Variants in IQGAP2 observed in about 807,000 individuals in gnomAD.
IQGAP2 encodes the protein ras GTPase-activating-like protein IQGAP2.
In IQGAP2, 173 loss-of-function variants were observed where a neutral mutation model predicts 201.3. The observed-to-expected ratio is 0.86, with a 90% CI of 0.76 to 0.98. The LOEUF is 0.98. IQGAP2 is among the 50% of genes least tolerant of loss of function. IQGAP2 has a pLI of 0.00. For synonymous variants in IQGAP2, 675 were observed against 673.9 expected, an observed-to-expected ratio of 1.00 and a Z score of -0.03; for missense variants, 1,687 against 1,864.8, an observed-to-expected ratio of 0.90 and a Z score of 1.76.
chr5:76,559,391 A>G (rs1744177734), intron 2 of IQGAP2, among the ~76,000 whole-genome samples: 1 of 152,182 alleles, frequency 6.6e-6, no homozygotes, highest in South Asian at 2.1e-4. Context: ...TTCTCTAATT[A>G]CCACTGTCAG....
chr5:76,592,156 A>T (rs542256485), intron 8 of IQGAP2, among the ~76,000 whole-genome samples: 1 of 152,170 alleles, frequency 6.6e-6, no homozygotes, highest in Non-Finnish European at 1.5e-5. Flanking sequence ...ACTGATCTTT[A>T]ACTACAAATC....
In IQGAP2 at chr5:76,639,564, A is replaced by G. The variant is rs151142011; in HGVS notation, c.1924-1369A>G. Among the ~76,000 whole-genome samples, 749 of 152,364 alleles carry G rather than the reference A, an allele frequency of 4.9e-3. 4 individuals are homozygous for G. The highest frequency in any genetic ancestry group is 9.1e-3 in the Non-Finnish European group (621 of 68,032). On this transcript the variant is annotated intron_variant, in intron 16 of 35. Coordinates refer to ENST00000274364, the MANE Select transcript of IQGAP2 (RefSeq NM_006633.5). ...CCTGCTGATAATGGATCCACGCGTC[A>G]TAATATGTTTAAAGAGGAAATACTG...
chr5:76,676,077 T>TCACA (rs34099080), intron 27 of IQGAP2, among the ~76,000 whole-genome samples: 15,047 of 135,262 alleles, frequency 0.11, 950 homozygotes, highest in South Asian at 0.18. Context: ...TAAGACTCTG[T>TCACA]CACACACACA....
intron 28 of IQGAP2, among the ~76,000 whole-genome samples, chr5:76,681,598 T>C (rs1745301917): frequency 6.6e-6 from 1 of 150,712 alleles, no homozygotes; most frequent in Admixed American, 6.6e-5. Context: ...TTGCACCCCG[T>C]TGGTGGGAAT....
intron 12 of IQGAP2, among the ~76,000 whole-genome samples, chr5:76,610,356 A>G (rs561197996): frequency 2.6e-5 from 4 of 151,404 alleles, no homozygotes; most frequent in Non-Finnish European, 5.9e-5. Flanking sequence ...TAGTCACTAG[A>G]AAAATACAAA....
chr5:76,614,656 C>T (rs755067946), intron 13 of IQGAP2, among the ~76,000 whole-genome samples: 6 of 108,744 alleles, frequency 5.5e-5, no homozygotes, highest in Non-Finnish European at 1.0e-4. Context: ...TGCTGTGTTG[C>T]CCAGGCTGGT....
intron 2 of IQGAP2, among the ~76,000 whole-genome samples, chr5:76,464,127 G>A (rs973290538): frequency 6.6e-6 from 1 of 152,112 alleles, no homozygotes; most frequent in South Asian, 2.1e-4. Context: ...GATGACAGGC[G>A]TGAGCCACTC....
At chr5:76,694,257 A>AC (rs554635163) in intron 31 of IQGAP2, among the ~76,000 whole-genome samples, 4 of 152,114 alleles carry the variant, frequency 2.6e-5, no homozygotes, top group African/African-American at 9.7e-5. Flanking sequence ...ACACAGTGAG[A>AC]CCCCCATCTC....
intron 20 of IQGAP2, among the ~76,000 whole-genome samples, chr5:76,655,771 A>G (rs61349117): frequency 0.011 from 1,681 of 152,316 alleles, 39 homozygotes; most frequent in African/African-American, 0.038. Context: ...AAATAGCAAA[A>G]TAAAATTCAC....
chr5:76,431,806 A>T (rs545003777), intron 1 of IQGAP2, among the ~76,000 whole-genome samples: 8 of 140,182 alleles, frequency 5.7e-5, no homozygotes, highest in Admixed American at 1.4e-4. Flanking sequence ...CTGGCGACAG[A>T]GACTCTGTAT....
chr5:76,550,033 C>T (rs1743343512), intron 2 of IQGAP2, among the ~76,000 whole-genome samples: 1 of 152,112 alleles, frequency 6.6e-6, no homozygotes, highest in African/African-American at 2.4e-5. Flanking sequence ...ATTCTAAGTC[C>T]CAAATCTCAT....
At chr5:76,696,939 T>C (rs569238373) in intron 32 of IQGAP2, among the ~76,000 whole-genome samples, 1 of 152,034 alleles carries the variant, frequency 6.6e-6, no homozygotes, top group East Asian at 1.9e-4. Context: ...TGTGGGGGAG[T>C]GTATGTGTAT....
chr5:76,611,682 G>A (rs2150343192), intron 13 of IQGAP2, among the ~76,000 whole-genome samples: 1 of 152,352 alleles, frequency 6.6e-6, no homozygotes, highest in East Asian at 1.9e-4. Context: ...ACGGATGTTT[G>A]AGATTGTCGG....
At chr5:76,602,932 C>G (rs1747530298) in intron 11 of IQGAP2, among the ~76,000 whole-genome samples, 1 of 152,172 alleles carries the variant, frequency 6.6e-6, no homozygotes, top group Admixed American at 6.5e-5. Flanking sequence ...CAGAGAGATT[C>G]TTTTGTCTAA....
intron 2 of IQGAP2, among the ~76,000 whole-genome samples, chr5:76,536,718 C>A (rs1161116780): frequency 6.6e-6 from 1 of 151,604 alleles, no homozygotes; most frequent in African/African-American, 2.4e-5. Flanking sequence ...CAAGATTGTG[C>A]CATTGCACTC....
At position 76,683,163 on chromosome 5, in the gene IQGAP2, C is replaced by G. The variant is rs759961622; in HGVS notation, c.3709C>G (p.Leu1237Val). 1.4e-5 allele frequency: 23 copies of G among 1,612,668 alleles called. No individual in the cohort carries two copies. Among genetic ancestry groups the G allele is most frequent in the Non-Finnish European group, 3.4e-6 (4 of 1,179,350 alleles). Residue 1237 changes from leucine (L) to valine (V), a missense_variant, in exon 29 of 36, where the codon CTG becomes GTG. Physicochemically the swap from Leu to Val is conservative, Grantham distance 32. Coordinates refer to ENST00000274364, the MANE Select transcript of IQGAP2 (RefSeq NM_006633.5). The stretch of plus-strand genomic sequence containing the variant: ...AATTGCCCCTGAGAAAAATGACTTA[C>G]TGAGTGAATTGCTGGGGTCGCTGGG... ...DAIAPEKNDL[L>V]SELLGSLGEV...
intron 1 of IQGAP2, among the ~76,000 whole-genome samples, chr5:76,447,867 A>AT (rs1753490582): frequency 1.3e-5 from 2 of 152,180 alleles, no homozygotes; most frequent in African/African-American, 2.4e-5. Flanking sequence ...AAAATGGATG[A>AT]TTTTTTTAAA....
chr5:76,551,892 G>C (rs1000591707), intron 2 of IQGAP2, among the ~76,000 whole-genome samples: 2 of 144,868 alleles, frequency 1.4e-5, no homozygotes, highest in Non-Finnish European at 3.1e-5. Context: ...GGGGAGGGGA[G>C]GGGGAGGGGA....
intron 2 of IQGAP2, among the ~76,000 whole-genome samples, chr5:76,483,958 T>TC (rs1421573498): frequency 6.7e-6 from 1 of 150,364 alleles, no homozygotes; most frequent in Non-Finnish European, 1.5e-5. Context: ...CTTCTAGAAT[T>TC]CCCCTAAAGA....
Sources: allele counts gnomAD v4.1 joint callset (sites outside exome capture counted in the v4.1 genomes callset), GRCh38; gene constraint gnomAD v4.1.1; transcripts MANE v1.5; gene names NCBI Gene and HGNC (gene_info 2026-07-23, HGNC 2026-07-21).